The following PDLIM5 variants were observed in gnomAD, a reference collection of about 807,000 sequenced individuals.
PDLIM5 encodes PDZ and LIM domain protein 5.
In PDLIM5, 34 loss-of-function variants were observed where a neutral mutation model predicts 64.2. The observed-to-expected ratio is 0.53, with a 90% CI of 0.40 to 0.71. The LOEUF (loss-of-function observed/expected upper bound fraction) is 0.71, where lower values mean the gene tolerates loss of function less well. Among genes scored for constraint, PDLIM5 ranks in the 30% least tolerant of loss-of-function variants. The pLI is 0.00. For synonymous variants in PDLIM5, 253 were observed against 269.1 expected (o/e 0.94, Z 0.59); for missense variants, 683 against 733.6 (o/e 0.93, Z 0.80).
At chr4:94,608,297 A>G (rs1738091081) in intron 7 of PDLIM5, 2 of 509,468 alleles carry the variant, frequency 3.9e-6, no homozygotes, top group Non-Finnish European at 6.4e-6. Context: ...ATTAACCTAT[A>G]GACAAGAAAG....
rs573429291 is a variant in PDLIM5, at chr4:94,465,172, A to C, written c.96+9788A>C. Among the ~76,000 whole-genome samples, 20 of 152,220 alleles carry C rather than the reference A, an allele frequency of 1.3e-4. No homozygotes were observed. The South Asian group carries it at 2.5e-3, about 19-fold the overall frequency. ...TTATTCTTATCATCCCTAAAGCCCT[A>C]TCTCTTCCTCTAGGAACATTCATGT... On this transcript the variant is annotated intron_variant, in intron 2 of 12. Coordinates refer to ENST00000317968, the MANE Select transcript of PDLIM5 (RefSeq NM_006457.5).
intron 8 of PDLIM5, among the ~76,000 whole-genome samples, chr4:94,622,112 T>C (rs1739284775): frequency 6.6e-6 from 1 of 152,216 alleles, no homozygotes. Flanking sequence ...CAAATTCTTC[T>C]GCCCTACACA....
chr4:94,577,177 A>G (rs190320179), intron 5 of PDLIM5: 88 of 456,372 alleles, frequency 1.9e-4, no homozygotes, highest in African/African-American at 1.4e-3. Context: ...ACAAAGGGAA[A>G]TAGTCTACAG....
At position 94,665,505 on chromosome 4, in the gene PDLIM5, AAGAG is replaced by A. The variant is rs766822591; in HGVS notation, c.*1448_*1451del. ...TTAAAAAAAAAAAAAAAAAAAAAAAAAGAGAGAGAGAGAATAAATAGAAAAGAAT... is the reference window on the plus strand; with the variant it reads ...TTAAAAAAAAAAAAAAAAAAAAAAAAAGAGAGAGAATAAATAGAAAAGAAT... On this transcript the variant is annotated 3_prime_UTR_variant, in exon 13 of 13. Coordinates refer to ENST00000317968, the MANE Select transcript of PDLIM5 (RefSeq NM_006457.5). The A allele has an allele frequency of 5.0e-3, 3,205 of 647,166 alleles. 101 individuals are homozygous for A. The highest frequency in any genetic ancestry group is 9.0e-3 in the African/African-American group (404 of 44,952). 40.1% of individuals were successfully genotyped at this position (647,166 alleles called of 1,614,324 possible).
intron 3 of PDLIM5, among the ~76,000 whole-genome samples, chr4:94,552,796 AAG>A (rs1473711898): frequency 6.6e-6 from 1 of 152,178 alleles, no homozygotes; most frequent in Non-Finnish European, 1.5e-5. Context: ...TTGATTAAAA[AAG>A]AGTGATCTAA....
intron 9 of PDLIM5, among the ~76,000 whole-genome samples, chr4:94,652,972 G>A (rs7689746): frequency 0.16 from 25,085 of 152,062 alleles, 2,684 homozygotes; most frequent in Non-Finnish European, 0.24. Flanking sequence ...AATTTACAGT[G>A]GGAGATAGTT....
chr4:94,461,749 T>A (rs917838584), intron 2 of PDLIM5, among the ~76,000 whole-genome samples: 15 of 152,124 alleles, frequency 9.9e-5, no homozygotes, highest in Non-Finnish European at 2.2e-4. Context: ...GTAACTGGAC[T>A]CCCAACTGGG....
intron 2 of PDLIM5, among the ~76,000 whole-genome samples, chr4:94,507,485 C>T (rs1728489251): frequency 6.6e-6 from 1 of 152,130 alleles, no homozygotes; most frequent in African/African-American, 2.4e-5. Flanking sequence ...CAGCTGTGAA[C>T]CTGTGAGATC....
At chr4:94,479,869 A>G (rs149888312) in intron 2 of PDLIM5, among the ~76,000 whole-genome samples, 8 of 152,240 alleles carry the variant, frequency 5.3e-5, no homozygotes, top group African/African-American at 9.6e-5. Context: ...TATACTGGCA[A>G]AAGTTGATGT....
intron 2 of PDLIM5, among the ~76,000 whole-genome samples, chr4:94,473,748 G>A (rs1263828602): frequency 1.3e-5 from 2 of 152,200 alleles, no homozygotes; most frequent in African/African-American, 4.8e-5. Context: ...TGATTGCAAT[G>A]TTGTTTTATT....
At chr4:94,524,067 A>G (rs921971548) in intron 3 of PDLIM5, among the ~76,000 whole-genome samples, 192 bp downstream of exon 3, 8 of 152,152 alleles carry the variant, frequency 5.3e-5, no homozygotes, top group South Asian at 2.1e-4. Context: ...TTATTTCCCC[A>G]TCAAAAGGCA....
rs545794066 is a variant in PDLIM5, at chr4:94,628,738, T to A, written c.1108+10547T>A. ...GTAAGACATGTCAGAACTCTAGACATAATATGAGTATAAAATGATTTTAAT... is the reference window on the plus strand; with the variant it reads ...GTAAGACATGTCAGAACTCTAGACAAAATATGAGTATAAAATGATTTTAAT... On this transcript the variant is annotated intron_variant, in intron 8 of 12. Coordinates refer to ENST00000317968, the MANE Select transcript of PDLIM5 (RefSeq NM_006457.5). Among the ~76,000 whole-genome samples the A allele has an allele frequency of 1.6e-4, 24 of 152,292 alleles. No homozygotes were observed. The South Asian group carries it at 5.0e-3, about 32-fold the overall frequency.
chr4:94,461,927 C>G (rs1259518688), intron 2 of PDLIM5, among the ~76,000 whole-genome samples: 2 of 152,154 alleles, frequency 1.3e-5, no homozygotes, highest in Non-Finnish European at 2.9e-5. Flanking sequence ...TGCAGTGGCG[C>G]GATCTCGGCT....
chr4:94,481,792 G>T (rs1339318259), intron 2 of PDLIM5, among the ~76,000 whole-genome samples: 3 of 151,668 alleles, frequency 2.0e-5, no homozygotes, highest in Non-Finnish European at 4.4e-5. Flanking sequence ...TGTATTTTTA[G>T]TAGAGATGGG....
At chr4:94,477,502 C>T (rs1383278168) in intron 2 of PDLIM5, among the ~76,000 whole-genome samples, 2 of 151,990 alleles carry the variant, frequency 1.3e-5, no homozygotes, top group African/African-American at 4.8e-5. Flanking sequence ...TTGGAATTGG[C>T]CTTTTTGACT....
chr4:94,453,527 T>C (rs1318466409), intron 1 of PDLIM5, among the ~76,000 whole-genome samples: 1 of 152,184 alleles, frequency 6.6e-6, no homozygotes, highest in African/African-American at 2.4e-5. Flanking sequence ...AAATACATTT[T>C]CTTGTAGGGA....
At chr4:94,540,939 A>C (rs1731752418) in intron 3 of PDLIM5, among the ~76,000 whole-genome samples, 1 of 152,192 alleles carries the variant, frequency 6.6e-6, no homozygotes, top group South Asian at 2.1e-4. Flanking sequence ...GTAGTATGAC[A>C]GCTAAGTCAA....
intron 9 of PDLIM5, among the ~76,000 whole-genome samples, chr4:94,648,422 G>A (rs1171215305): frequency 3.3e-5 from 5 of 152,086 alleles, no homozygotes; most frequent in Non-Finnish European, 7.4e-5. Context: ...CAGGTTCAAG[G>A]GATTCTCCTG....
chr4:94,501,363 C>T (rs539544372), intron 2 of PDLIM5, among the ~76,000 whole-genome samples: 5 of 152,252 alleles, frequency 3.3e-5, no homozygotes, highest in South Asian at 4.1e-4. Flanking sequence ...GTATCACAGG[C>T]GTGAGCTACT....
Sources: allele counts gnomAD v4.1 joint callset (sites outside exome capture counted in the v4.1 genomes callset), GRCh38; gene constraint gnomAD v4.1.1; transcripts MANE v1.5; gene names NCBI Gene and HGNC (gene_info 2026-07-23, HGNC 2026-07-21).